UGGT2: variants seen among roughly 807,000 people sequenced by gnomAD.
UGGT2 encodes the protein UDP-glucose glycoprotein glucosyltransferase 2.
In UGGT2, 180 loss-of-function variants were observed where a neutral mutation model predicts 192.1. That is an observed-to-expected ratio of 0.94 (90% CI 0.83 to 1.06). The LOEUF is 1.06. Among genes scored for constraint, UGGT2 ranks in the 50% least tolerant of loss-of-function variants. UGGT2 has a pLI of 0.00. For missense variants in UGGT2, 1,849 were observed against 1,795.7 expected, an observed-to-expected ratio of 1.03 and a Z score of -0.54; for synonymous variants, 580 against 591.0, an observed-to-expected ratio of 0.98 and a Z score of 0.27.
At chr13:95,990,216 A>G in intron 7 of UGGT2, 143 bp from the exon 8 acceptor site, 1 of 468,700 alleles carries the variant, frequency 2.1e-6, no homozygotes, top group East Asian at 3.4e-5. Flanking sequence ...ATTGTGATAC[A>G]GCTATATTCA....
chr13:95,930,994 C>T (rs1429494465), intron 17 of UGGT2, among the ~76,000 whole-genome samples: 1 of 151,932 alleles, frequency 6.6e-6, no homozygotes, highest in South Asian at 2.1e-4. Flanking sequence ...GAAAGGGACC[C>T]AAGCGGGTTG....
chr13:95,811,507 T>C (rs1031366085), intron 38 of UGGT2, among the ~76,000 whole-genome samples: 2 of 152,276 alleles, frequency 1.3e-5, no homozygotes, highest in South Asian at 2.1e-4. Flanking sequence ...GATTTCTTTA[T>C]GAGGTAGTGA....
At chr13:95,911,508 AC>A (rs2048496679) in intron 20 of UGGT2, among the ~76,000 whole-genome samples, 1 of 152,230 alleles carries the variant, frequency 6.6e-6, no homozygotes, top group Non-Finnish European at 1.5e-5. Flanking sequence ...ATTCCTGGAC[AC>A]ATACACCCTC....
intron 17 of UGGT2, among the ~76,000 whole-genome samples, chr13:95,934,585 G>C (rs1301549343): frequency 2.6e-5 from 4 of 152,122 alleles, no homozygotes. Context: ...TGGCAAGTTG[G>C]ATAAAAAACA....
intron 5 of UGGT2, among the ~76,000 whole-genome samples, chr13:96,007,540 T>C (rs952465254): frequency 1.3e-5 from 2 of 152,166 alleles, no homozygotes; most frequent in African/African-American, 2.4e-5. Flanking sequence ...TATGATCTTA[T>C]ATTAGAAAAA....
chr13:95,931,481 A>G (rs2049265132), intron 17 of UGGT2, among the ~76,000 whole-genome samples: 1 of 148,790 alleles, frequency 6.7e-6, no homozygotes, highest in Non-Finnish European at 1.5e-5. Flanking sequence ...GGCGCCGCGG[A>G]GCAGGGGGCA....
intron 7 of UGGT2, among the ~76,000 whole-genome samples, chr13:95,993,244 A>G (rs1470879939): frequency 2.0e-5 from 3 of 152,176 alleles, no homozygotes; most frequent in Non-Finnish European, 2.9e-5. Context: ...GGTCTATTAG[A>G]GTGGGAAGAT....
At chr13:95,878,509 A>T (rs2047405099) in intron 27 of UGGT2, among the ~76,000 whole-genome samples, 1 of 152,186 alleles carries the variant, frequency 6.6e-6, no homozygotes, top group African/African-American at 2.4e-5. Flanking sequence ...ATATCATTTT[A>T]AATGGCTGGA....
intron 38 of UGGT2, among the ~76,000 whole-genome samples, chr13:95,824,188 G>C (rs1885784979): frequency 6.6e-6 from 1 of 152,058 alleles, no homozygotes; most frequent in African/African-American, 2.4e-5. Flanking sequence ...TTCTCTTACA[G>C]ATTATTTGAT....
intron 38 of UGGT2, among the ~76,000 whole-genome samples, chr13:95,810,223 T>C (rs1028417235): frequency 4.6e-5 from 7 of 152,174 alleles, no homozygotes; most frequent in Admixed American, 4.6e-4. Flanking sequence ...TTGGGTCCCA[T>C]GGTATTATTC....
rs117848857 is a variant in UGGT2, at chr13:95,822,301, C to T, written c.4528+10626G>A. Among the ~76,000 whole-genome samples the T allele has an allele frequency of 1.1e-4, 17 of 152,140 alleles. 1 individual carries two copies. The East Asian group carries it at 3.3e-3, about 29-fold the overall frequency. On this transcript the variant is annotated intron_variant, in intron 38 of 38. Coordinates refer to ENST00000376747, the MANE Select transcript of UGGT2 (RefSeq NM_020121.4). The stretch of plus-strand genomic sequence containing the variant: ...CCCAGGTATTTTCTTTTCTTTGCAG[C>T]TGTTATAAAAGGGATTGACTTCTTG...
chr13:95,956,319 A>T (rs546722726), intron 12 of UGGT2, among the ~76,000 whole-genome samples: 31 of 152,308 alleles, frequency 2.0e-4, no homozygotes, highest in African/African-American at 7.5e-4. Context: ...AAAAGGTGGA[A>T]TTCATAAAAA....
chr13:95,880,408 T>C (rs892063763), intron 27 of UGGT2, among the ~76,000 whole-genome samples: 4 of 152,240 alleles, frequency 2.6e-5, no homozygotes, highest in Non-Finnish European at 5.9e-5. Context: ...TTTTCTTGCA[T>C]CTTATCTCAA....
intron 17 of UGGT2, among the ~76,000 whole-genome samples, chr13:95,931,473 C>T (rs545913994): frequency 6.5e-4 from 99 of 151,574 alleles, no homozygotes; most frequent in African/African-American, 2.0e-3. Context: ...TGGGACTGGG[C>T]GCCGCGGAGC....
chr13:96,043,698 A>G (rs1267044518), intron 1 of UGGT2, among the ~76,000 whole-genome samples: 1 of 152,218 alleles, frequency 6.6e-6, no homozygotes, highest in Non-Finnish European at 1.5e-5. Flanking sequence ...GGACACCAAA[A>G]GCGAGCAAGA....
Position 95,856,299 on chromosome 13 carries a change from A to C in UGGT2, c.3867T>G (p.Tyr1289Ter). The change falls in exon 34 of 39, where the codon TAT becomes TAG. Residue 1289 changes from tyrosine to a stop codon, truncating the protein, a stop_gained. Coordinates refer to ENST00000376747, the MANE Select transcript of UGGT2 (RefSeq NM_020121.4). LOFTEE classifies it high-confidence loss of function. ...GGGGCCACCTATATTGAACTAGTTC[A>C]TATCGGAATCCATACTCTTTAGCCA... ...PHMAKEYGFR[Y>*]ELVQYRWPRW... is the part of the protein sequence containing the mutation. 6.2e-7 allele frequency: 1 copy of C among 1,612,424 alleles called. No individual in the cohort carries two copies. Among genetic ancestry groups the C allele is most frequent in the Non-Finnish European group, 8.5e-7 (1 of 1,179,566 alleles).
chr13:95,856,134 A>T (rs1194578158), intron 34 of UGGT2, 24 bp downstream of exon 34: 1 of 1,570,642 alleles, frequency 6.4e-7, no homozygotes. Flanking sequence ...GCGTATTACT[A>T]AAAATAGTAG....
At chr13:95,822,044 G>A (rs1165142061) in intron 38 of UGGT2, among the ~76,000 whole-genome samples, 1 of 152,044 alleles carries the variant, frequency 6.6e-6, no homozygotes, top group Non-Finnish European at 1.5e-5. Context: ...TAGCTATTCA[G>A]GCTCTTTTTT....
At chr13:96,034,008 T>C in intron 1 of UGGT2, among the ~76,000 whole-genome samples, 1 of 152,184 alleles carries the variant, frequency 6.6e-6, no homozygotes, top group South Asian at 2.1e-4. Flanking sequence ...TTCCATGGAC[T>C]GCAGTGAGAA....
Sources: gnomAD v4.1 joint callset for allele counts (sites outside exome capture counted in the v4.1 genomes callset) on GRCh38, gnomAD v4.1.1 for gene constraint, MANE v1.5 for transcripts, NCBI Gene and HGNC (gene_info 2026-07-23, HGNC 2026-07-21) for gene names.